Variants in CBFA2T3 observed in about 807,000 individuals in gnomAD.
CBFA2T3 encodes the protein CBFA2/RUNX1 partner transcriptional co-repressor 3.
Under a neutral mutation model 58.6 loss-of-function variants are expected in CBFA2T3, and 31 were observed. The observed-to-expected ratio is 0.53, with a 90% CI of 0.40 to 0.71. The LOEUF (loss-of-function observed/expected upper bound fraction) is 0.71. CBFA2T3 is among the 30% of genes least tolerant of loss of function. CBFA2T3 has a pLI of 0.00. For missense variants in CBFA2T3, 1,076 were observed against 963.1 expected, an observed-to-expected ratio of 1.12 and a Z score of -1.55; for synonymous variants, 531 against 421.9, an observed-to-expected ratio of 1.26 and a Z score of -3.17.
In CBFA2T3 at chr16:88,958,388, G is replaced by A. The variant is rs1002126682; in HGVS notation, c.151+18269C>T. On this transcript the variant is annotated intron_variant, in intron 1 of 11. Transcript: ENST00000268679. The surrounding 1 kb of genome is among the most constrained non-coding windows in gnomAD (Gnocchi z 4.0). ...CTCGAATGGGGAACTCCTCCAGGAA[G>A]GAAAGGAGAAGTTTTATTTGGGGTG... Among the ~76,000 whole-genome samples the A allele has an allele frequency of 2.0e-5, 3 of 152,166 alleles. No individual in the cohort carries two copies. The highest frequency in any genetic ancestry group is 2.1e-4 in the South Asian group (1 of 4,832).
chr16:88,890,436 C>T (rs571610034), intron 5 of CBFA2T3, among the ~76,000 whole-genome samples: 4 of 152,338 alleles, frequency 2.6e-5, no homozygotes, highest in Admixed American at 6.5e-5. Flanking sequence ...CACAGCAGTA[C>T]GGGCAGTGCT....
At chr16:88,882,039 G>A (rs1657421945) in intron 8 of CBFA2T3, among the ~76,000 whole-genome samples, 2 of 152,254 alleles carry the variant, frequency 1.3e-5, no homozygotes, top group Non-Finnish European at 2.9e-5. Flanking sequence ...TGAGCAGAAA[G>A]TAAGTGGAGG....
At chr16:88,969,644 G>T (rs1308625022) in intron 1 of CBFA2T3, among the ~76,000 whole-genome samples, 2 of 152,362 alleles carry the variant, frequency 1.3e-5, no homozygotes, top group Non-Finnish European at 2.9e-5. Flanking sequence ...AGAGGGGGGC[G>T]GGGCCGGCCT....
intron 1 of CBFA2T3, chr16:88,938,896 G>A (rs369442675): frequency 2.6e-5 from 4 of 152,144 alleles, no homozygotes; most frequent in Admixed American, 2.6e-4. Context: ...GGAGGCCAGC[G>A]GAGAGCCCCA....
Position 88,876,380 on chromosome 16 carries a change from G to A in CBFA2T3, c.*596C>T, listed in dbSNP as rs1468189500. Reference sequence around the variant, plus strand: ...CGCTGATCAGCCTCACGCCCCTGGGGGAGGGGCACAGCTGGGTTCAGATCT... The same window carrying A: ...CGCTGATCAGCCTCACGCCCCTGGGAGAGGGGCACAGCTGGGTTCAGATCT... On this transcript the variant is annotated 3_prime_UTR_variant, in exon 12 of 12. Transcript: ENST00000268679. The A allele has an allele frequency of 8.7e-6, 2 of 229,868 alleles. No individual in the cohort carries two copies. The highest frequency in any genetic ancestry group is 5.7e-5 in the Admixed American group (1 of 17,670). The allele number at this position is 229,868 out of a possible 1,614,324, so 14.2% of individuals were successfully genotyped here. A position where few individuals can be genotyped will look rare whatever the true frequency, so the allele number is the denominator to read the frequency against.
At chr16:88,942,127 A>G (rs1023396358) in intron 1 of CBFA2T3, among the ~76,000 whole-genome samples, 21 of 151,952 alleles carry the variant, frequency 1.4e-4, no homozygotes, top group Non-Finnish European at 2.8e-4. Context: ...CACCTGCAGA[A>G]ACGCCCCGAG....
Position 88,881,384 on chromosome 16 carries a change from G to A in CBFA2T3, c.1309C>T (p.Arg437Cys), listed in dbSNP as rs369868070. Residue 437 changes from arginine to cysteine, a missense_variant, in exon 9 of 12, where the codon CGC becomes TGC. By Grantham distance (180) the Arg-to-Cys change is radical. Coordinates refer to ENST00000268679, the MANE Select transcript of CBFA2T3 (RefSeq NM_005187.6). ...TTTGTGTCCTCGGCGTCGCTGTAGCGCCGCGCCCAGTGGTTGAGCTCCTCG... is the reference window on the plus strand; with the variant it reads ...TTTGTGTCCTCGGCGTCGCTGTAGCACCGCGCCCAGTGGTTGAGCTCCTCG... The part of the protein sequence containing the change: ...DREELNHWAR[R>C]YSDAEDTKKG... 1.5e-4 allele frequency: 242 copies of A among 1,597,224 alleles called. No homozygotes were observed. The East Asian group carries it at 2.2e-3, about 15-fold the overall frequency.
chr16:88,879,069 A>G (rs1447964215), intron 11 of CBFA2T3, among the ~76,000 whole-genome samples: 3 of 152,230 alleles, frequency 2.0e-5, no homozygotes, highest in African/African-American at 7.2e-5. Flanking sequence ...GAACGGGGAC[A>G]TCCATAGGAC....
At chr16:88,903,211 G>A (rs1338161049) in intron 1 of CBFA2T3, among the ~76,000 whole-genome samples, 2 of 152,358 alleles carry the variant, frequency 1.3e-5, no homozygotes, top group Non-Finnish European at 2.9e-5. Context: ...GCGATCACAT[G>A]CCAAATACGG....
chr16:88,921,566 C>T (rs1307199685), intron 1 of CBFA2T3, among the ~76,000 whole-genome samples: 1 of 151,464 alleles, frequency 6.6e-6, no homozygotes, highest in Non-Finnish European at 1.5e-5. Flanking sequence ...GTCTGCAGCC[C>T]CCTGCTCACT....
intron 1 of CBFA2T3, among the ~76,000 whole-genome samples, 168 bp from the exon 2 acceptor site, chr16:88,901,824 G>C (rs572395287): frequency 5.3e-5 from 8 of 152,260 alleles, no homozygotes; most frequent in Non-Finnish European, 8.8e-5. Context: ...GCAGGATCAC[G>C]GGGGCAGAAC....
chr16:88,960,696 A>G (rs1393757536), intron 1 of CBFA2T3, among the ~76,000 whole-genome samples: 2 of 152,194 alleles, frequency 1.3e-5, no homozygotes, highest in African/African-American at 2.4e-5. Flanking sequence ...AAGAGCAGAA[A>G]TGCCAGGTAC....
intron 1 of CBFA2T3, among the ~76,000 whole-genome samples, chr16:88,974,603 C>T (rs1257674821): frequency 6.6e-5 from 10 of 152,192 alleles, no homozygotes; most frequent in Admixed American, 5.9e-4. Flanking sequence ...GGTTCTTCTA[C>T]TTCAGCTTTT....
intron 1 of CBFA2T3, among the ~76,000 whole-genome samples, chr16:88,948,309 G>A (rs150215446): frequency 5.3e-4 from 80 of 152,360 alleles, no homozygotes; most frequent in African/African-American, 1.8e-3. Context: ...CATTCGTGGC[G>A]AGTGGGGAGC....
At chr16:88,887,431 C>A (rs1352860374) in intron 5 of CBFA2T3, among the ~76,000 whole-genome samples, 1 of 152,220 alleles carries the variant, frequency 6.6e-6, no homozygotes, top group Admixed American at 6.5e-5. Flanking sequence ...GGGAGAACAT[C>A]TGGATCCCTG....
rs1021189993 is a variant in CBFA2T3, at chr16:88,874,988, G to A, written c.*1988C>T. The A allele has an allele frequency of 9.8e-5, 23 of 233,516 alleles. No homozygotes were observed. Among genetic ancestry groups the A allele is most frequent in the Non-Finnish European group, 1.5e-4 (18 of 118,022 alleles). The allele number at this position is 233,516 out of a possible 1,614,324, so 14.5% of individuals were successfully genotyped here. A position where few individuals can be genotyped will look rare whatever the true frequency, so the allele number is the denominator to read the frequency against. ...GCTTCAGGCCTCTGGCGGGCTGTTC[G>A]TGGCTGGTTCAGTAGCTGGGTCACT... On this transcript the variant is annotated 3_prime_UTR_variant, in exon 12 of 12. Coordinates refer to ENST00000268679, the MANE Select transcript of CBFA2T3 (RefSeq NM_005187.6).
At position 88,934,942 on chromosome 16, in the gene CBFA2T3, G is replaced by A. The variant is rs542690772; in HGVS notation, c.152-33286C>T. 1.4e-4 allele frequency among the ~76,000 whole-genome samples: 22 copies of A among 152,294 alleles called. No homozygotes were observed. The East Asian group carries it at 3.1e-3, about 21-fold the overall frequency. On this transcript the variant is annotated intron_variant, in intron 1 of 11. Coordinates refer to ENST00000268679, the MANE Select transcript of CBFA2T3 (RefSeq NM_005187.6). The stretch of plus-strand genomic sequence containing the variant: ...TTTTTAGTAGAGACGGGGTTTCACC[G>A]TGTTAGCCAGGATGGTCTCGATCTC...
intron 1 of CBFA2T3, among the ~76,000 whole-genome samples, chr16:88,966,041 T>C (rs576930253): frequency 1.8e-3 from 268 of 152,086 alleles, no homozygotes; most frequent in African/African-American, 6.2e-3. Context: ...CATACAGAGT[T>C]CCCCCTGGGC....
At chr16:88,899,982 G>C (rs915557300) in intron 2 of CBFA2T3, among the ~76,000 whole-genome samples, 1 of 152,240 alleles carries the variant, frequency 6.6e-6, no homozygotes, top group African/African-American at 2.4e-5. Flanking sequence ...GAGAGGGAAG[G>C]GTGATCCCAG....
Sources: allele counts gnomAD v4.1 joint callset (sites outside exome capture counted in the v4.1 genomes callset), GRCh38; gene constraint gnomAD v4.1.1; non-coding constraint Gnocchi (gnomAD v3.1); transcripts MANE v1.5; gene names NCBI Gene and HGNC (gene_info 2026-07-23, HGNC 2026-07-21).